B4GALNT2: variants seen among roughly 807,000 people sequenced by gnomAD.
B4GALNT2 encodes the protein N-acetylneuraminylgalactosylglucosyl-glucoside beta-1,4-N- acetylgalactosaminyltransferase 2.
Under a neutral mutation model 51.1 loss-of-function variants are expected in B4GALNT2, and 42 were observed. The ratio of observed to expected loss-of-function variants is 0.82; its 90% CI spans 0.64 to 1.06. The LOEUF is 1.06. B4GALNT2 is among the 50% of genes least tolerant of loss of function. B4GALNT2 has a pLI of 0.00. For synonymous variants in B4GALNT2, 253 were observed against 251.7 expected (o/e 1.01, Z -0.05); for missense variants, 602 against 633.6 (o/e 0.95, Z 0.54).
chr17:49,163,799 C>A (rs938699878), intron 7 of B4GALNT2, among the ~76,000 whole-genome samples: 4 of 146,294 alleles, frequency 2.7e-5, no homozygotes, highest in African/African-American at 7.6e-5. Flanking sequence ...AGGACATAAG[C>A]AAAGTGCTAA....
chr17:49,160,633 CT>C lies in B4GALNT2; in HGVS notation c.759del (p.Gly254AspfsTer24). ...CCTGTCATACCCAAGCTATACGACC[CT>C]GGACCAGGTAAGGCCCTTGTCCTTG... ...RHPVIPKLYD[P>X]GPERKLRNLV... On this transcript the variant is annotated frameshift_variant, in exon 7 of 11. Coordinates refer to ENST00000393354, the MANE Select transcript of B4GALNT2 (RefSeq NM_001159387.2). LOFTEE classifies it high-confidence loss of function. 6 of 1,614,074 alleles carry C rather than the reference CT, an allele frequency of 3.7e-6. No individual in the cohort carries two copies. The highest frequency in any genetic ancestry group is 5.1e-6 in the Non-Finnish European group (6 of 1,179,938).
At position 49,168,886 on chromosome 17, in the gene B4GALNT2, G is replaced by T. The variant is rs779178371; in HGVS notation, c.1301G>T (p.Arg434Leu). The change falls in exon 10 of 11, where the codon CGA (arginine) becomes CTA (leucine). Residue 434 changes from arginine (R) to leucine (L), a missense_variant. By Grantham distance (102) the Arg-to-Leu change is moderately radical. Coordinates refer to ENST00000393354, the MANE Select transcript of B4GALNT2 (RefSeq NM_001159387.2). Reference sequence around the variant, plus strand: ...GTTGGCTTTGATCCCCGCCTGCAACGAGTGGCTCACTCAGGTGGGAAGGCT... The same window carrying T: ...GTTGGCTTTGATCCCCGCCTGCAACTAGTGGCTCACTCAGGTGGGAAGGCT... ...QRVGFDPRLQRVAHSEFFIDG... is the reference protein window; with the variant it reads ...QRVGFDPRLQLVAHSEFFIDG... The T allele has an allele frequency of 1.2e-6, 2 of 1,612,250 alleles. No homozygotes were observed. Among genetic ancestry groups the T allele is most frequent in the Admixed American group, 1.7e-5 (1 of 59,960 alleles).
intron 1 of B4GALNT2, among the ~76,000 whole-genome samples, chr17:49,136,082 CA>C (rs60290551): frequency 1.9e-3 from 228 of 119,482 alleles, no homozygotes; most frequent in South Asian, 2.2e-3. Flanking sequence ...GACTCTGGAT[CA>C]AAAAAAAAAA....
the B4GALNT2 span, among the ~76,000 whole-genome samples, chr17:49,122,271 T>C: frequency 2.1e-4 from 32 of 152,342 alleles, no homozygotes; most frequent in East Asian, 3.5e-3. Flanking sequence ...ATGGTGGTGC[T>C]TGTCCAAGAT....
chr17:49,169,233 C>T (rs2042939069), intron 10 of B4GALNT2, among the ~76,000 whole-genome samples: 1 of 152,074 alleles, frequency 6.6e-6, no homozygotes, highest in East Asian at 1.9e-4. Context: ...CTCTCTTTCC[C>T]TCTTACTCCA....
intron 3 of B4GALNT2, 47 bp downstream of exon 3, chr17:49,142,219 C>A: frequency 6.2e-7 from 1 of 1,609,678 alleles, no homozygotes; most frequent in Non-Finnish European, 8.5e-7. Flanking sequence ...GGAACAAAAG[C>A]CCTCCCTATG....
chr17:49,148,725 TG>T, intron 3 of B4GALNT2: 1 of 584,976 alleles, frequency 1.7e-6, no homozygotes, highest in Admixed American at 2.2e-5. Context: ...CTTAGGCATG[TG>T]GACATCCTTC....
upstream of B4GALNT2, among the ~76,000 whole-genome samples, chr17:49,129,713 G>GGC (rs1555609291): frequency 0.042 from 3,160 of 75,114 alleles, 110 homozygotes; most frequent in African/African-American, 0.15. Context: ...TTTCTGTGTG[G>GGC]GGGGGGAAGT....
intron 3 of B4GALNT2, 102 bp from the exon 4 acceptor site, chr17:49,152,698 C>G (rs2042770594): frequency 1.3e-6 from 1 of 788,374 alleles, no homozygotes; most frequent in Admixed American, 3.3e-5. Context: ...TTTGATTTCT[C>G]CATATTGTCA....
intron 3 of B4GALNT2, among the ~76,000 whole-genome samples, chr17:49,146,087 T>C (rs1322189865): frequency 6.6e-6 from 1 of 152,150 alleles, no homozygotes; most frequent in Non-Finnish European, 1.5e-5. Context: ...CCGTGAATCC[T>C]GGCCATGGGA....
At chr17:49,128,283 G>T (rs1372660762), upstream of B4GALNT2, among the ~76,000 whole-genome samples, 1 of 152,190 alleles carries the variant, frequency 6.6e-6, no homozygotes, top group African/African-American at 2.4e-5. Flanking sequence ...GATTTGACTG[G>T]ATGGAGCAGT....
intron 1 of B4GALNT2, chr17:49,133,220 G>T: frequency 2.0e-6 from 3 of 1,488,568 alleles, no homozygotes; most frequent in Non-Finnish European, 2.7e-6. Context: ...GCCGTCAGGG[G>T]TATGTGAGTG....
intron 1 of B4GALNT2, chr17:49,133,104 C>A: frequency 6.6e-7 from 1 of 1,520,938 alleles, no homozygotes; most frequent in Non-Finnish European, 8.7e-7. Context: ...CTCGGGGACG[C>A]CCGAGTGTGG....
chr17:49,120,459 G>A, the B4GALNT2 span, among the ~76,000 whole-genome samples: 295 of 145,894 alleles, frequency 2.0e-3, 3 homozygotes, highest in African/African-American at 6.1e-3. Context: ...GAGTGGAGGA[G>A]TCTTTTGTGT....
intron 6 of B4GALNT2, among the ~76,000 whole-genome samples, chr17:49,160,137 T>A (rs2042849652): frequency 6.6e-6 from 1 of 152,146 alleles, no homozygotes; most frequent in South Asian, 2.1e-4. Flanking sequence ...TCATGACCAC[T>A]AGCTAAAGAG....
In B4GALNT2 at chr17:49,168,623, A is replaced by C. The variant is rs904752877; in HGVS notation, c.1096-58A>C. On this transcript the variant is annotated intron_variant, in intron 9 of 10. Coordinates refer to ENST00000393354, the MANE Select transcript of B4GALNT2 (RefSeq NM_001159387.2). Reference sequence around the variant, plus strand: ...GTGCAGTCCAGCGAGTCTTCCTGGAAGAGGCAGGATGAATATTGATCTGCA... The same window carrying C: ...GTGCAGTCCAGCGAGTCTTCCTGGACGAGGCAGGATGAATATTGATCTGCA... The C allele has an allele frequency of 1.1e-5, 16 of 1,503,806 alleles. No individual in the cohort carries two copies. The Admixed American group carries it at 2.9e-4, about 28-fold the overall frequency. 93.2% of individuals were successfully genotyped at this position (1,503,806 alleles called of 1,614,324 possible).
In B4GALNT2 at chr17:49,150,991, A is replaced by C. The variant is rs144463550; in HGVS notation, c.354-1809A>C. On this transcript the variant is annotated intron_variant, in intron 3 of 10. Coordinates refer to ENST00000393354, the MANE Select transcript of B4GALNT2 (RefSeq NM_001159387.2). ...CCGTAAGTATTCACTATGATGATCT[A>C]ATCTTTTTTTTCAAGGTAATTAAAT... is the stretch of plus-strand genomic sequence containing the variant. 7.5e-3 allele frequency among the ~76,000 whole-genome samples: 1,141 copies of C among 152,214 alleles called. 9 individuals are homozygous for C. The highest frequency in any genetic ancestry group is 0.027 in the Middle Eastern group (8 of 294).
the B4GALNT2 span, among the ~76,000 whole-genome samples, chr17:49,123,566 T>G: frequency 6.6e-6 from 1 of 152,222 alleles, no homozygotes; most frequent in Admixed American, 6.5e-5. Flanking sequence ...CTTAATTATT[T>G]GCATACAGTG....
At position 49,156,689 on chromosome 17, in the gene B4GALNT2, C is replaced by G. The variant is rs1010020276; in HGVS notation, c.498+86C>G. On this transcript the variant is annotated intron_variant, in intron 5 of 10. Transcript: ENST00000393354. ...GGCTGCTCTCAGCCTTTGACGGAGC[C>G]CCTGTCCAGATTCAAGGTCAGACAT... The G allele has an allele frequency of 2.7e-6, 4 of 1,456,380 alleles. No homozygotes were observed. The African/African-American group carries it at 5.7e-5, about 21-fold the overall frequency. 90.2% of individuals were successfully genotyped at this position (1,456,380 alleles called of 1,614,324 possible). A position where few individuals can be genotyped will look rare whatever the true frequency, so the allele number is the denominator to read the frequency against.
Sources: allele counts gnomAD v4.1 joint callset (sites outside exome capture counted in the v4.1 genomes callset), GRCh38; gene constraint gnomAD v4.1.1; transcripts MANE v1.5; gene names NCBI Gene and HGNC (gene_info 2026-07-23, HGNC 2026-07-21).